SNTG1: variants seen among roughly 807,000 people sequenced by gnomAD.
SNTG1 encodes the protein gamma-1-syntrophin.
SNTG1 carries 39 observed loss-of-function variants against 74.7 expected under a neutral mutation model. The ratio of observed to expected loss-of-function variants is 0.52; its 90% CI spans 0.40 to 0.68. The LOEUF (loss-of-function observed/expected upper bound fraction) is 0.68. SNTG1 is among the 30% of genes least tolerant of loss of function. SNTG1 has a pLI of 0.00. For missense variants in SNTG1, 685 were observed against 609.5 expected (o/e 1.12, Z -1.30); for synonymous variants, 254 against 217.1 (o/e 1.17, Z -1.49).
chr8:50,096,316 CA>C (rs1264187660), intron 1 of SNTG1, among the ~76,000 whole-genome samples: 2 of 152,094 alleles, frequency 1.3e-5, no homozygotes, highest in Admixed American at 6.6e-5. Context: ...TACAATAGTT[CA>C]AATTTGTTTC....
intron 1 of SNTG1, among the ~76,000 whole-genome samples, chr8:50,064,470 G>A (rs1303858630): frequency 6.6e-6 from 1 of 152,018 alleles, no homozygotes; most frequent in Non-Finnish European, 1.5e-5. Flanking sequence ...GAACTTTCCC[G>A]TTTGCACTTT....
chr8:50,594,332 T>C (rs1224680828), intron 13 of SNTG1, among the ~76,000 whole-genome samples: 1 of 152,278 alleles, frequency 6.6e-6, no homozygotes, highest in Non-Finnish European at 1.5e-5. Flanking sequence ...CCCACAAAAA[T>C]ATCATTTTTC....
At chr8:50,616,604 T>A (rs2094886851) in intron 13 of SNTG1, among the ~76,000 whole-genome samples, 1 of 152,162 alleles carries the variant, frequency 6.6e-6, no homozygotes, top group African/African-American at 2.4e-5. Flanking sequence ...CCAAGTCCTT[T>A]TTCACTCTTT....
At chr8:50,064,469 C>T (rs370571933) in intron 1 of SNTG1, among the ~76,000 whole-genome samples, 4 of 152,302 alleles carry the variant, frequency 2.6e-5, no homozygotes, top group East Asian at 3.9e-4. Context: ...TGAACTTTCC[C>T]GTTTGCACTT....
chr8:50,549,706 G>T (rs1410094535), intron 11 of SNTG1, among the ~76,000 whole-genome samples: 1 of 152,044 alleles, frequency 6.6e-6, no homozygotes, highest in African/African-American at 2.4e-5. Flanking sequence ...CAATGTGCCA[G>T]ACAACCCACA....
intron 1 of SNTG1, among the ~76,000 whole-genome samples, chr8:50,072,396 G>A (rs1050208284): frequency 6.6e-6 from 1 of 152,168 alleles, no homozygotes; most frequent in Non-Finnish European, 1.5e-5. Flanking sequence ...TTGAATATGA[G>A]TTATTCTTTA....
chr8:50,183,368 C>G (rs1171023401), intron 2 of SNTG1, among the ~76,000 whole-genome samples: 1 of 152,152 alleles, frequency 6.6e-6, no homozygotes, highest in African/African-American at 2.4e-5. Context: ...TGCCCATTCC[C>G]TAAACTGTAT....
chr8:50,679,802 A>G (rs1262965765), intron 15 of SNTG1, among the ~76,000 whole-genome samples: 2 of 152,160 alleles, frequency 1.3e-5, no homozygotes, highest in East Asian at 3.9e-4. Flanking sequence ...GTGAGATGAC[A>G]TTTGATCATA....
chr8:50,524,991 T>A (rs776280450), intron 9 of SNTG1, among the ~76,000 whole-genome samples: 2 of 152,172 alleles, frequency 1.3e-5, no homozygotes, highest in Non-Finnish European at 2.9e-5. Context: ...TTATATGCAT[T>A]TCTCTTTCTA....
At chr8:50,156,084 A>G (rs2082246090) in intron 1 of SNTG1, among the ~76,000 whole-genome samples, 1 of 152,134 alleles carries the variant, frequency 6.6e-6, no homozygotes, top group Non-Finnish European at 1.5e-5. Flanking sequence ...AGGAAATCTG[A>G]ATAGCCTTAT....
intron 1 of SNTG1, among the ~76,000 whole-genome samples, chr8:50,127,624 A>G (rs1186901414): frequency 6.6e-6 from 1 of 152,166 alleles, no homozygotes; most frequent in Non-Finnish European, 1.5e-5. Flanking sequence ...GGGTTTGCAC[A>G]GATAGAAACA....
intron 18 of SNTG1, among the ~76,000 whole-genome samples, chr8:50,791,773 T>C (rs1026440131): frequency 6.6e-6 from 1 of 151,836 alleles, no homozygotes; most frequent in African/African-American, 2.4e-5. Flanking sequence ...GTTCATCGTA[T>C]TGATTTCATT....
intron 2 of SNTG1, among the ~76,000 whole-genome samples, chr8:50,318,087 T>C (rs12544936): frequency 0.55 from 83,503 of 151,984 alleles, 24,807 homozygotes; most frequent in East Asian, 0.85. Context: ...CCGCCCGCCT[T>C]GACCTCCCAA....
At chr8:50,515,383 A>G (rs2094122567) in intron 9 of SNTG1, among the ~76,000 whole-genome samples, 1 of 138,518 alleles carries the variant, frequency 7.2e-6, no homozygotes, top group African/African-American at 2.7e-5. Flanking sequence ...AGCTAGCTGC[A>G]GGAGTTTTTT....
At chr8:49,989,865 G>GT (rs1813515439) in intron 1 of SNTG1, among the ~76,000 whole-genome samples, 1 of 151,904 alleles carries the variant, frequency 6.6e-6, no homozygotes, top group African/African-American at 2.4e-5. Context: ...TAATATGGAA[G>GT]TAATATAAAA....
At chr8:50,738,897 T>C (rs575768919) in intron 17 of SNTG1, among the ~76,000 whole-genome samples, 31 of 152,068 alleles carry the variant, frequency 2.0e-4, no homozygotes, top group African/African-American at 6.7e-4. Flanking sequence ...TTTTACACCT[T>C]ATACAAAAAT....
chr8:50,504,647 C>T (rs937380000), intron 9 of SNTG1, among the ~76,000 whole-genome samples: 1 of 151,498 alleles, frequency 6.6e-6, no homozygotes, highest in Non-Finnish European at 1.5e-5. Flanking sequence ...CAAAAAAACC[C>T]CAAAATAGCC....
At chr8:50,596,673 T>C (rs1277906207) in intron 13 of SNTG1, among the ~76,000 whole-genome samples, 1 of 152,080 alleles carries the variant, frequency 6.6e-6, no homozygotes, top group African/African-American at 2.4e-5. Context: ...CAAAACCGTC[T>C]TGAATACTGT....
chr8:50,712,417 A>T (rs1180887417), intron 17 of SNTG1, among the ~76,000 whole-genome samples: 10 of 152,234 alleles, frequency 6.6e-5, no homozygotes, highest in Admixed American at 6.5e-4. Flanking sequence ...TAGTGGAATA[A>T]TGTACGACTG....
Sources: allele counts gnomAD v4.1 joint callset (sites outside exome capture counted in the v4.1 genomes callset), GRCh38; gene constraint gnomAD v4.1.1; transcripts MANE v1.5; gene names NCBI Gene and HGNC (gene_info 2026-07-23, HGNC 2026-07-21).